Variants in ZNF385D observed in about 807,000 individuals in gnomAD.
ZNF385D encodes zinc finger protein 659.
ZNF385D carries 15 observed loss-of-function variants against 35.8 expected under a neutral mutation model. The observed-to-expected ratio is 0.42, with a 90% CI of 0.28 to 0.64. The LOEUF (loss-of-function observed/expected upper bound fraction) is 0.64, where lower values mean the gene tolerates loss of function less well. Ranked by LOEUF, ZNF385D falls within the 30% of genes least tolerant of loss-of-function variation. The pLI is 0.23. For synonymous variants in ZNF385D, 212 were observed against 186.8 expected (o/e 1.13, Z -1.10); for missense variants, 474 against 494.6 (o/e 0.96, Z 0.39).
chr3:21,667,110 G>T (rs1193903415), intron 1 of ZNF385D, among the ~76,000 whole-genome samples: 1 of 152,088 alleles, frequency 6.6e-6, no homozygotes, highest in Non-Finnish European at 1.5e-5. Flanking sequence ...GTAAGATTTG[G>T]TCGAAATCAG....
intron 3 of ZNF385D, among the ~76,000 whole-genome samples, chr3:21,779,071 C>T (rs1210080280): frequency 1.3e-5 from 2 of 151,898 alleles, no homozygotes; most frequent in Admixed American, 6.6e-5. Flanking sequence ...GTACACTGTT[C>T]TTAGGCTGGA....
At chr3:22,212,385 T>C (rs1478924029) in intron 2 of ZNF385D, among the ~76,000 whole-genome samples, 1 of 151,974 alleles carries the variant, frequency 6.6e-6, no homozygotes, top group Non-Finnish European at 1.5e-5. Context: ...TCTGCAATGG[T>C]TTCAAATTGA....
At chr3:22,172,269 G>C (rs1350635938) in intron 2 of ZNF385D, among the ~76,000 whole-genome samples, 2 of 152,146 alleles carry the variant, frequency 1.3e-5, no homozygotes, top group African/African-American at 4.8e-5. Flanking sequence ...AAAGGAATGA[G>C]GTGTTTGTTT....
At chr3:21,481,507 A>G (rs1704625557) in intron 4 of ZNF385D, among the ~76,000 whole-genome samples, 1 of 152,098 alleles carries the variant, frequency 6.6e-6, no homozygotes, top group Non-Finnish European at 1.5e-5. Flanking sequence ...GCCTCATGAG[A>G]TAGACCAGTC....
intron 3 of ZNF385D, among the ~76,000 whole-genome samples, chr3:22,148,557 A>T (rs2125715352): frequency 6.6e-6 from 1 of 152,334 alleles, no homozygotes; most frequent in African/African-American, 2.4e-5. Flanking sequence ...TGTGTATATG[A>T]GTAAACAAGT....
chr3:22,032,636 T>C (rs971750731), intron 3 of ZNF385D, among the ~76,000 whole-genome samples: 1 of 152,146 alleles, frequency 6.6e-6, no homozygotes, highest in African/African-American at 2.4e-5. Flanking sequence ...AAGGTTAACA[T>C]AGATCTGGCA....
chr3:21,980,623 A>C (rs1005859805), intron 3 of ZNF385D, among the ~76,000 whole-genome samples: 5 of 152,090 alleles, frequency 3.3e-5, no homozygotes, highest in Non-Finnish European at 7.4e-5. Flanking sequence ...TTACATAAAC[A>C]CATGTCCCAG....
rs185640243 is a variant in ZNF385D, at chr3:22,239,045, C to T, written c.107-70010G>A. 2.0e-3 allele frequency among the ~76,000 whole-genome samples: 308 copies of T among 150,922 alleles called. 10 individuals are homozygous for T. The highest frequency in any genetic ancestry group is 0.017 in the Middle Eastern group (5 of 292). On this transcript the variant is annotated intron_variant, in intron 2 of 5. Coordinates refer to the ZNF385D transcript ENST00000494108. ...CTGGGATCATAGGCTTTAGACAACA[C>T]GCCCAGACTAATTTTAATTTTTTAA...
chr3:22,059,661 G>C (rs1699592919), intron 3 of ZNF385D, among the ~76,000 whole-genome samples: 1 of 152,142 alleles, frequency 6.6e-6, no homozygotes, highest in African/African-American at 2.4e-5. Flanking sequence ...TGGGTATGTG[G>C]AGCACATTAC....
intron 3 of ZNF385D, among the ~76,000 whole-genome samples, chr3:21,519,493 T>C (rs144282567): frequency 1.1e-4 from 16 of 152,284 alleles, no homozygotes; most frequent in African/African-American, 3.6e-4. Context: ...GTTCCTATTA[T>C]GAAAGAAACC....
rs566369671 is a variant in ZNF385D, at chr3:21,413,426, G to A, written c.*7788C>T. On this transcript the variant is annotated 3_prime_UTR_variant, in exon 8 of 8. Transcript: ENST00000281523. The stretch of plus-strand genomic sequence containing the variant: ...CAATGATTCGGAATCTCACATTGGT[G>A]TGACTAGTGATTATAGTTAAGTCAA... 73 of 152,194 alleles carry A rather than the reference G, an allele frequency of 4.8e-4. No individual in the cohort carries two copies. The highest frequency in any genetic ancestry group is 1.7e-3 in the African/African-American group (70 of 41,562). 9.4% of individuals were successfully genotyped at this position (152,194 alleles called of 1,614,324 possible). A position where few individuals can be genotyped will look rare whatever the true frequency, so the allele number is the denominator to read the frequency against.
chr3:22,211,149 CAGG>C (rs1191743692), intron 2 of ZNF385D, among the ~76,000 whole-genome samples: 1 of 151,770 alleles, frequency 6.6e-6, no homozygotes, highest in Admixed American at 6.6e-5. Context: ...TCCTCAAGCT[CAGG>C]AGATTATAAA....
chr3:21,749,101 G>C (rs1193243520), intron 1 of ZNF385D, among the ~76,000 whole-genome samples: 1 of 152,138 alleles, frequency 6.6e-6, no homozygotes, highest in Non-Finnish European at 1.5e-5. Flanking sequence ...AAGACACTGA[G>C]GGCAACTTTA....
intron 2 of ZNF385D, among the ~76,000 whole-genome samples, chr3:22,308,622 G>T (rs1017519272): frequency 6.6e-6 from 1 of 151,976 alleles, no homozygotes; most frequent in East Asian, 1.9e-4. Flanking sequence ...AGCCACAACA[G>T]AGGCGGCATG....
chr3:22,301,526 C>T (rs1269885201), intron 2 of ZNF385D, among the ~76,000 whole-genome samples: 1 of 151,850 alleles, frequency 6.6e-6, no homozygotes, highest in Non-Finnish European at 1.5e-5. Context: ...TCATATTGTA[C>T]ACAATATATA....
At chr3:22,313,694 A>G (rs1703722555) in intron 2 of ZNF385D, among the ~76,000 whole-genome samples, 1 of 152,216 alleles carries the variant, frequency 6.6e-6, no homozygotes, top group Admixed American at 6.5e-5. Flanking sequence ...TCATCTATAA[A>G]GATAGGGCAG....
chr3:21,505,924 G>A (rs1706741450), intron 4 of ZNF385D, among the ~76,000 whole-genome samples: 1 of 152,040 alleles, frequency 6.6e-6, no homozygotes, highest in Admixed American at 6.6e-5. Context: ...AACCGTTTCA[G>A]CATAAATTCC....
intron 2 of ZNF385D, among the ~76,000 whole-genome samples, chr3:21,603,991 T>C (rs762258736): frequency 3.3e-5 from 5 of 152,160 alleles, no homozygotes; most frequent in South Asian, 2.1e-4. Context: ...AGTTCAATTA[T>C]AGAGAAGGAC....
At chr3:21,447,108 C>T (rs776604649) in intron 4 of ZNF385D, among the ~76,000 whole-genome samples, 1 of 152,058 alleles carries the variant, frequency 6.6e-6, no homozygotes, top group Non-Finnish European at 1.5e-5. Flanking sequence ...GATTGTTAGG[C>T]CTTGTTCTAG....
Sources: allele counts gnomAD v4.1 joint callset (sites outside exome capture counted in the v4.1 genomes callset), GRCh38; gene constraint gnomAD v4.1.1; transcripts MANE v1.5; gene names NCBI Gene and HGNC (gene_info 2026-07-23, HGNC 2026-07-21).